The following MTREX variants were observed in gnomAD, a reference collection of about 807,000 sequenced individuals.
MTREX encodes the protein Mtr4 exosome RNA helicase, also known as exosome RNA helicase MTR4.
MTREX carries 76 observed loss-of-function variants against 135.4 expected under a neutral mutation model. That is an observed-to-expected ratio of 0.56 (90% confidence interval 0.47 to 0.68). The LOEUF is 0.68. Ranked by LOEUF, MTREX falls within the 30% of genes least tolerant of loss-of-function variation. The pLI is 0.00. For missense variants in MTREX, 920 were observed against 1,262.1 expected (o/e 0.73, Z 4.11); for synonymous variants, 404 against 401.6 (o/e 1.01, Z -0.07).
intron 20 of MTREX, among the ~76,000 whole-genome samples, chr5:55,398,455 A>G (rs1024134658): frequency 6.6e-6 from 1 of 152,234 alleles, no homozygotes; most frequent in Non-Finnish European, 1.5e-5. Flanking sequence ...GTTTTACAAA[A>G]TTTTTATGTA....
At chr5:55,396,550 A>C (rs1165014371) in intron 19 of MTREX, among the ~76,000 whole-genome samples, 1 of 152,210 alleles carries the variant, frequency 6.6e-6, no homozygotes, top group Non-Finnish European at 1.5e-5. Context: ...GAAAGAAAAA[A>C]ACTGCTGTTA....
At chr5:55,343,728 C>A (rs1030656892) in intron 8 of MTREX, among the ~76,000 whole-genome samples, 1 of 152,090 alleles carries the variant, frequency 6.6e-6, no homozygotes, top group Admixed American at 6.5e-5. Flanking sequence ...CCAAGTTGAT[C>A]TGATGATCTG....
intron 5 of MTREX, among the ~76,000 whole-genome samples, chr5:55,336,390 G>A (rs1431439779): frequency 6.6e-6 from 1 of 152,008 alleles, no homozygotes; most frequent in Non-Finnish European, 1.5e-5. Context: ...GTTTCTTTCT[G>A]TTCTTAGTAG....
chr5:55,414,264 A>G, intron 24 of MTREX, 26 bp downstream of exon 24: 3 of 919,602 alleles, frequency 3.3e-6, no homozygotes, highest in East Asian at 5.8e-5. Context: ...TTTTTTTTTG[A>G]ACTACATATT....
intron 19 of MTREX, among the ~76,000 whole-genome samples, chr5:55,393,508 A>G (rs1486664169): frequency 6.6e-6 from 1 of 152,222 alleles, no homozygotes; most frequent in African/African-American, 2.4e-5. Context: ...TTCAGGTGAT[A>G]GTCTTGATTT....
Position 55,397,435 on chromosome 5 carries a change from A to C in MTREX, c.2201A>C (p.His734Pro). ...TCATAGGTTGTCCCAGTTTTGGTGCATCTCCTGTCTGCTATCAGCAGTGTT... is the reference window on the plus strand; with the variant it reads ...TCATAGGTTGTCCCAGTTTTGGTGCCTCTCCTGTCTGCTATCAGCAGTGTT... ...GEMQVVPVLVHLLSAISSVRL... is the reference protein window; with the variant it reads ...GEMQVVPVLVPLLSAISSVRL... The change falls in exon 20 of 27, where the codon CAT (histidine) becomes CCT (proline). Residue 734 changes from histidine (H) to proline (P), a missense_variant. Around this residue, in one of 6 missense-constraint regions of MTREX, gnomAD observed 467 missense variants for 589.7 expected, o/e 0.79. Transcript: ENST00000230640. 6.2e-7 allele frequency: 1 copy of C among 1,609,646 alleles called. No homozygotes were observed. Among genetic ancestry groups the C allele is most frequent in the Non-Finnish European group, 8.5e-7 (1 of 1,176,890 alleles).
At chr5:55,419,579 TTGTA>T (rs540935527) in intron 25 of MTREX, among the ~76,000 whole-genome samples, 106 of 152,312 alleles carry the variant, frequency 7.0e-4, no homozygotes, top group Admixed American at 1.2e-3. Flanking sequence ...AACAAACTAT[TTGTA>T]TGGGCTGATG....
chr5:55,352,002 TTTTTTG>T (rs201624259), intron 13 of MTREX, among the ~76,000 whole-genome samples: 20,905 of 151,244 alleles, frequency 0.14, 1,807 homozygotes, highest in East Asian at 0.26. Context: ...TTTTTTCTTG[TTTTTTG>T]TTTTTGTTTT....
chr5:55,325,329 G>GT (rs767578247), intron 3 of MTREX, among the ~76,000 whole-genome samples: 1,451 of 129,032 alleles, frequency 0.011, 12 homozygotes, highest in Middle Eastern at 0.023. Context: ...TTTTGGGGGG[G>GT]TTTTTTTTTG....
chr5:55,386,892 TTCTTATAA>T (rs1413563163), intron 18 of MTREX, among the ~76,000 whole-genome samples: 1 of 152,128 alleles, frequency 6.6e-6, no homozygotes, highest in African/African-American at 2.4e-5. Flanking sequence ...TCCTTGAGTC[TTCTTATAA>T]TCATTGACTC....
chr5:55,313,802 C>T (rs892368748), intron 1 of MTREX, among the ~76,000 whole-genome samples: 2 of 152,126 alleles, frequency 1.3e-5, no homozygotes, highest in African/African-American at 4.8e-5. Flanking sequence ...CTTCCATTTC[C>T]TCCCTCCCCT....
chr5:55,341,825 G>A, intron 7 of MTREX, 54 bp downstream of exon 7: 1 of 903,968 alleles, frequency 1.1e-6, no homozygotes, highest in Non-Finnish European at 1.7e-6. Flanking sequence ...ATGACATTAG[G>A]AATTTTGAGC....
Position 55,327,720 on chromosome 5 carries a change from C to T in MTREX, c.344C>T (p.Ala115Val), listed in dbSNP as rs1290144153. 3 of 1,612,574 alleles carry T rather than the reference C, an allele frequency of 1.9e-6. No homozygotes were observed. Among genetic ancestry groups the T allele is most frequent in the Non-Finnish European group, 2.5e-6 (3 of 1,178,966 alleles). Residue 115 changes from alanine (A) to valine (V), a missense_variant, in exon 4 of 27, where the codon GCA becomes GTA. Physicochemically the swap from Ala to Val is moderately conservative, Grantham distance 64. This residue lies in a region of MTREX where 82 missense variants were observed against 107.4 expected (regional missense o/e 0.76). Transcript: ENST00000230640. ...ETVEGCTHEV[A>V]LPAEEDYLPL... ...TCTTTTTTACTTTGTTGTCAGGTTGCACTTCCTGCAGAAGAGGATTATTTA... is the reference window on the plus strand; with the variant it reads ...TCTTTTTTACTTTGTTGTCAGGTTGTACTTCCTGCAGAAGAGGATTATTTA...
At chr5:55,308,354 G>A (rs1749008740) in intron 1 of MTREX, among the ~76,000 whole-genome samples, 1 of 152,018 alleles carries the variant, frequency 6.6e-6, no homozygotes, top group Non-Finnish European at 1.5e-5. Flanking sequence ...TGCAGGCAGC[G>A]TGATCTTCTG....
chr5:55,341,214 GGAA>G (rs1241859502), intron 6 of MTREX, among the ~76,000 whole-genome samples: 4 of 152,138 alleles, frequency 2.6e-5, no homozygotes, highest in Non-Finnish European at 5.9e-5. Context: ...ACAGTTGCCA[GGAA>G]GTATCCATGT....
At chr5:55,354,767 C>T (rs1749883313) in intron 14 of MTREX, among the ~76,000 whole-genome samples, 1 of 152,186 alleles carries the variant, frequency 6.6e-6, no homozygotes, top group East Asian at 1.9e-4. Context: ...AGGCTGGGCC[C>T]TAGCCCCTTC....
chr5:55,393,577 A>G (rs957874508), intron 19 of MTREX, among the ~76,000 whole-genome samples: 5 of 152,204 alleles, frequency 3.3e-5, no homozygotes, highest in African/African-American at 9.6e-5. Flanking sequence ...CTTGCTTCTT[A>G]TATTGTCTAC....
chr5:55,315,158 A>C (rs1006014883), intron 1 of MTREX, among the ~76,000 whole-genome samples: 2 of 152,214 alleles, frequency 1.3e-5, no homozygotes, highest in Non-Finnish European at 2.9e-5. Flanking sequence ...GATTTTTGTC[A>C]GTGAGATAGA....
chr5:55,394,656 C>T (rs1288108396), intron 19 of MTREX, among the ~76,000 whole-genome samples: 1 of 152,194 alleles, frequency 6.6e-6, no homozygotes, highest in African/African-American at 2.4e-5. Context: ...TGCTGCATGG[C>T]CTGGTTCTTA....
Sources: gnomAD v4.1 joint callset for allele counts (sites outside exome capture counted in the v4.1 genomes callset) on GRCh38, gnomAD v4.1.1 for gene constraint, gnomAD v4.1.1 regional missense constraint, MANE v1.5 for transcripts, NCBI Gene and HGNC (gene_info 2026-07-23, HGNC 2026-07-21) for gene names.